Variants in TBCK observed in about 807,000 individuals in gnomAD.
TBCK encodes TBC domain-containing protein kinase-like protein.
Under a neutral mutation model 113.4 loss-of-function variants are expected in TBCK, and 99 were observed. That is an observed-to-expected ratio of 0.87 (90% CI 0.74 to 1.03). The LOEUF is 1.03. Among genes scored for constraint, TBCK ranks in the 50% least tolerant of loss-of-function variants. The pLI is 0.00. For synonymous variants in TBCK, 369 were observed against 370.8 expected, an observed-to-expected ratio of 1.00 and a Z score of 0.05; for missense variants, 1,045 against 1,061.3, an observed-to-expected ratio of 0.98 and a Z score of 0.21.
intron 25 of TBCK, among the ~76,000 whole-genome samples, chr4:106,068,924 T>C (rs1737002380): frequency 6.6e-6 from 1 of 152,236 alleles, no homozygotes; most frequent in Admixed American, 6.5e-5. Context: ...ACGTGTCTGT[T>C]GGCTGCATAA....
intron 25 of TBCK, among the ~76,000 whole-genome samples, chr4:106,055,766 C>G (rs1461684329): frequency 6.6e-6 from 1 of 151,322 alleles, no homozygotes; most frequent in Non-Finnish European, 1.5e-5. Context: ...GAAACAAATA[C>G]AAGTTATTAA....
chr4:106,238,208 T>C (rs1053533712), intron 12 of TBCK, among the ~76,000 whole-genome samples: 2 of 152,068 alleles, frequency 1.3e-5, no homozygotes, highest in Non-Finnish European at 2.9e-5. Context: ...CGCTGCAGGG[T>C]ATTATTACTT....
chr4:106,222,038 T>C (rs1022070056), intron 19 of TBCK, among the ~76,000 whole-genome samples: 1 of 152,136 alleles, frequency 6.6e-6, no homozygotes, highest in African/African-American at 2.4e-5. Context: ...ACTTCAAAAA[T>C]AGTGTTTTCT....
In TBCK at chr4:106,193,678, G is replaced by A. The variant is rs772255741; in HGVS notation, c.1990C>T (p.Gln664Ter). 2 of 1,613,314 alleles carry A rather than the reference G, an allele frequency of 1.2e-6. No homozygotes were observed. The highest frequency in any genetic ancestry group is 1.3e-5 in the African/African-American group (1 of 74,878). The change falls in exon 22 of 26, where the codon CAG becomes TAG. Residue 664 changes from glutamine to a stop codon, truncating the protein, a stop_gained. Transcript: ENST00000394708. LOFTEE classifies it high-confidence loss of function. ...GCCAAAAGCCGGTCCCGCAGCTGCTGAAGAATTGCTACTCCAATACAGAAT... is the reference window on the plus strand; with the variant it reads ...GCCAAAAGCCGGTCCCGCAGCTGCTAAAGAATTGCTACTCCAATACAGAAT... ...FPFCIGVAIL[Q>*]QLRDRLLANG...
chr4:106,304,697 A>T (rs1244815906), intron 2 of TBCK, among the ~76,000 whole-genome samples: 1 of 152,170 alleles, frequency 6.6e-6, no homozygotes, highest in African/African-American at 2.4e-5. Context: ...CCACTTTGAC[A>T]TAAGGATTTT....
chr4:106,314,868 A>G (rs185461620), intron 1 of TBCK, among the ~76,000 whole-genome samples: 1 of 151,206 alleles, frequency 6.6e-6, no homozygotes, highest in African/African-American at 2.4e-5. Context: ...CAGGTGATCC[A>G]CCCGCCTCGA....
intron 22 of TBCK, among the ~76,000 whole-genome samples, chr4:106,177,638 T>A (rs1380819960): frequency 6.6e-6 from 1 of 152,016 alleles, no homozygotes; most frequent in Non-Finnish European, 1.5e-5. Flanking sequence ...GTAAGTTGGC[T>A]GTAAATGTGT....
At chr4:106,131,545 G>A (rs1021981118) in intron 23 of TBCK, among the ~76,000 whole-genome samples, 49 of 152,144 alleles carry the variant, frequency 3.2e-4, no homozygotes, top group African/African-American at 1.1e-3. Context: ...TCCAGGAGGC[G>A]GAGGTTGCAG....
At chr4:106,050,552 C>G (rs910542318) in intron 25 of TBCK, among the ~76,000 whole-genome samples, 3 of 152,032 alleles carry the variant, frequency 2.0e-5, no homozygotes, top group African/African-American at 7.2e-5. Flanking sequence ...AGAAAAATCT[C>G]TAACTCTTTC....
intron 25 of TBCK, among the ~76,000 whole-genome samples, chr4:106,089,143 T>C (rs747490563): frequency 8.6e-5 from 13 of 152,014 alleles, no homozygotes; most frequent in Non-Finnish European, 1.6e-4. Flanking sequence ...CTCAGGAAGC[T>C]TACAATCCTG....
At chr4:106,214,330 C>G (rs907727379) in intron 19 of TBCK, among the ~76,000 whole-genome samples, 5 of 152,182 alleles carry the variant, frequency 3.3e-5, no homozygotes, top group African/African-American at 1.2e-4. Context: ...TCCAAAGGAA[C>G]GCGGCTCCTC....
chr4:106,300,783 T>C (rs1157971092), intron 2 of TBCK, among the ~76,000 whole-genome samples: 1 of 152,140 alleles, frequency 6.6e-6, no homozygotes, highest in African/African-American at 2.4e-5. Flanking sequence ...TAATCCTGAT[T>C]CAATCAGTTT....
At chr4:106,122,608 T>C (rs1417365867) in intron 23 of TBCK, among the ~76,000 whole-genome samples, 1 of 152,194 alleles carries the variant, frequency 6.6e-6, no homozygotes, top group African/African-American at 2.4e-5. Flanking sequence ...CTGATGAACA[T>C]TGATGCAAAA....
intron 25 of TBCK, among the ~76,000 whole-genome samples, chr4:106,076,711 T>G (rs940153337): frequency 6.6e-6 from 1 of 152,180 alleles, no homozygotes; most frequent in Non-Finnish European, 1.5e-5. Flanking sequence ...GAGCCTATTT[T>G]CAATATCTTT....
chr4:106,308,790 C>T lies in TBCK; in HGVS notation c.171G>A (p.Val57=), dbSNP rs1356986488. Residue 57 remains valine (V), a synonymous_variant, in exon 2 of 26, where the codon GTG becomes GTA. Coordinates refer to ENST00000394708, the MANE Select transcript of TBCK (RefSeq NM_001163435.3). ...TITHPRLCQY[V]DISRGKHERL... ...TACCATGCTTTCCCCTAGAAATATC[C>T]ACATACTGGCAGAGTCTGGGATGGG... 1.2e-6 allele frequency: 2 copies of T among 1,612,152 alleles called. No individual in the cohort carries two copies. Among genetic ancestry groups the T allele is most frequent in the Non-Finnish European group, 1.7e-6 (2 of 1,179,212 alleles).
intron 23 of TBCK, among the ~76,000 whole-genome samples, chr4:106,118,526 G>A (rs1203228723): frequency 1.3e-5 from 2 of 152,156 alleles, no homozygotes; most frequent in African/African-American, 4.8e-5. Context: ...AAATCAGCAA[G>A]CCATACAATC....
At chr4:106,188,988 C>T (rs1355306361) in intron 22 of TBCK, among the ~76,000 whole-genome samples, 1 of 152,154 alleles carries the variant, frequency 6.6e-6, no homozygotes, top group East Asian at 1.9e-4. Context: ...TAAAATAATG[C>T]AGTATTTCCA....
intron 25 of TBCK, among the ~76,000 whole-genome samples, chr4:106,094,633 T>C (rs759227254): frequency 6.6e-6 from 1 of 152,208 alleles, no homozygotes; most frequent in Non-Finnish European, 1.5e-5. Context: ...GATGACAGAA[T>C]TTTCCTAAGC....
At chr4:106,315,138 GA>G (rs869295707) in intron 1 of TBCK, among the ~76,000 whole-genome samples, 8 of 151,666 alleles carry the variant, frequency 5.3e-5, no homozygotes, top group South Asian at 4.2e-4. Flanking sequence ...ACTACCGGGG[GA>G]AAAAAAACGT....
Sources: gnomAD v4.1 joint callset for allele counts (sites outside exome capture counted in the v4.1 genomes callset) on GRCh38, gnomAD v4.1.1 for gene constraint, MANE v1.5 for transcripts, NCBI Gene and HGNC (gene_info 2026-07-23, HGNC 2026-07-21) for gene names.